GAPDHS: variants seen among roughly 807,000 people sequenced by gnomAD.
GAPDHS encodes the protein glyceraldehyde-3-phosphate dehydrogenase, spermatogenic, also known as glyceraldehyde-3-phosphate dehydrogenase, testis-specific.
A neutral mutation model predicts 48.7 loss-of-function variants in GAPDHS; 42 were observed. The observed-to-expected ratio is 0.86, with a 90% CI of 0.67 to 1.12. The LOEUF (loss-of-function observed/expected upper bound fraction) is 1.12. Ranked by LOEUF, GAPDHS falls within the 50% of genes most tolerant of loss-of-function variation. The pLI, the probability that GAPDHS is intolerant of heterozygous loss-of-function variation, is 0.00. For missense variants in GAPDHS, 512 were observed against 557.7 expected (o/e 0.92, Z 0.82); for synonymous variants, 166 against 219.1 (o/e 0.76, Z 2.14).
chr19:35,542,079 A>G (rs73046809), intron 4 of GAPDHS: 9,319 of 545,878 alleles, frequency 0.017, 106 homozygotes, highest in Non-Finnish European at 0.022. Context: ...CACCACCTGT[A>G]CCCAGGCATA....
chr19:35,535,946 G>A (rs2071463305), intron 1 of GAPDHS, among the ~76,000 whole-genome samples: 1 of 151,270 alleles, frequency 6.6e-6, no homozygotes, highest in Non-Finnish European at 1.5e-5. Context: ...CTCCATGTTG[G>A]CCAAGCTGGT....
chr19:35,543,683 G>A lies in GAPDHS; in HGVS notation c.912G>A (p.Ala304=), dbSNP rs375268177. 292 of 1,613,760 alleles carry A rather than the reference G, an allele frequency of 1.8e-4. No homozygotes were observed. Among genetic ancestry groups the A allele is most frequent in the Non-Finnish European group, 2.2e-4 (263 of 1,179,898 alleles). ...PELKGKLTGM[A]FRVPTPDVSV... ...TCTCCAGGAAGCTGACAGGGATGGC[G>A]TTCCGGGTACCAACCCCGGATGTGT... The change falls in exon 9 of 11, where the codon GCG becomes GCA. Residue 304 remains alanine (A), a synonymous_variant. Coordinates refer to ENST00000222286, the MANE Select transcript of GAPDHS (RefSeq NM_014364.5).
At position 35,537,094 on chromosome 19, in the gene GAPDHS, G is replaced by A. The variant is rs188817782; in HGVS notation, c.245+104G>A. Reference sequence around the variant, plus strand: ...CACATTTCCCCCCATCAATGCTTTCGTTCCGACGACCCTGGAGAAATAGCC... The same window carrying A: ...CACATTTCCCCCCATCAATGCTTTCATTCCGACGACCCTGGAGAAATAGCC... On this transcript the variant is annotated intron_variant, in intron 2 of 10. Coordinates refer to ENST00000222286, the MANE Select transcript of GAPDHS (RefSeq NM_014364.5). 1.5e-4 allele frequency: 144 copies of A among 977,992 alleles called. No individual in the cohort carries two copies. The African/African-American group carries it at 1.8e-3, about 12-fold the overall frequency. The allele number at this position is 977,992 out of a possible 1,614,324, so 60.6% of individuals were successfully genotyped here.
In GAPDHS at chr19:35,542,997, G is replaced by C. The variant is rs150710154; in HGVS notation, c.712G>C (p.Glu238Gln). The stretch of plus-strand genomic sequence containing the variant: ...GGCTCCCCTCGCCAAAGTCATCCAC[G>C]AGCGATTTGGGATCGTGGAAGGGTT... ...CLAPLAKVIH[E>Q]RFGIVEGLMT... Residue 238 changes from glutamate (E) to glutamine (Q), a missense_variant, in exon 7 of 11, where the codon GAG becomes CAG. Glu to Gln is a conservative substitution (Grantham distance 29). Coordinates refer to ENST00000222286, the MANE Select transcript of GAPDHS (RefSeq NM_014364.5). 6 of 1,613,860 alleles carry C rather than the reference G, an allele frequency of 3.7e-6. No homozygotes were observed. The East Asian group carries it at 1.3e-4, about 36-fold the overall frequency.
At chr19:35,540,171 A>G (rs2071492278) in intron 4 of GAPDHS, among the ~76,000 whole-genome samples, 1 of 152,242 alleles carries the variant, frequency 6.6e-6, no homozygotes, top group East Asian at 1.9e-4. Flanking sequence ...AATGGAGTGA[A>G]CATGTGTTTG....
intron 2 of GAPDHS, among the ~76,000 whole-genome samples, chr19:35,537,553 G>A (rs555401714): frequency 6.6e-6 from 1 of 151,044 alleles, no homozygotes; most frequent in Non-Finnish European, 1.5e-5. Context: ...ATGGACAGTC[G>A]TGGATGTTTT....
intron 4 of GAPDHS, chr19:35,541,915 C>T (rs747709538): frequency 6.5e-5 from 14 of 215,818 alleles, no homozygotes; most frequent in Non-Finnish European, 1.0e-4. Flanking sequence ...GGGTTCATGG[C>T]GAGGTTGTCA....
At chr19:35,544,034 T>G in intron 9 of GAPDHS, 1 of 891,596 alleles carries the variant, frequency 1.1e-6, no homozygotes, top group Non-Finnish European at 1.6e-6. Context: ...CCTTACTTCC[T>G]CCAAGTCTCT....
In GAPDHS at chr19:35,534,231, C is replaced by T. The variant is rs530085055; in HGVS notation, c.67+637C>T. The stretch of plus-strand genomic sequence containing the variant: ...CACACACTCACTCACTCACTCTAGC[C>T]GGAGGAACCAGGTCTTCCGGTGGGC... On this transcript the variant is annotated intron_variant, in intron 1 of 10. Transcript: ENST00000222286. Among the ~76,000 whole-genome samples the T allele has an allele frequency of 2.6e-4, 39 of 152,290 alleles. 1 individual carries two copies. The East Asian group carries it at 7.2e-3, about 28-fold the overall frequency.
intron 4 of GAPDHS, among the ~76,000 whole-genome samples, chr19:35,539,023 C>T (rs1163658033): frequency 3.3e-5 from 5 of 152,106 alleles, no homozygotes. Context: ...AAGTGGTCCT[C>T]CCACCTCGGC....
At chr19:35,534,162 C>T (rs951443176) in intron 1 of GAPDHS, among the ~76,000 whole-genome samples, 8 of 151,822 alleles carry the variant, frequency 5.3e-5, no homozygotes, top group Admixed American at 6.6e-5. Flanking sequence ...CTTCCTTAGT[C>T]TCTCAACAAG....
intron 6 of GAPDHS, 42 bp from the exon 7 acceptor site, chr19:35,542,903 C>T (rs567174243): frequency 8.8e-6 from 13 of 1,472,528 alleles, no homozygotes; most frequent in Admixed American, 1.7e-5. Context: ...GGTGGCTCTG[C>T]GACTCACCTC....
In GAPDHS at chr19:35,538,613, T is replaced by C; in HGVS notation, c.379T>C (p.Tyr127His). The change falls in exon 4 of 11, where the codon TAC becomes CAC. Residue 127 changes from tyrosine to histidine, a missense_variant. Physicochemically the swap from Tyr to His is moderately conservative, Grantham distance 83. Transcript: ENST00000222286. ...MFKYDSTHGR[Y>H]KGSVEFRNGQ... ...TAAGTATGACTCCACCCACGGCCGA[T>C]ACAAGGGAAGTGTGGAATTCAGGAA... The C allele has an allele frequency of 6.2e-7, 1 of 1,611,102 alleles. No individual in the cohort carries two copies. Among genetic ancestry groups the C allele is most frequent in the African/African-American group, 1.3e-5 (1 of 74,970 alleles).
At chr19:35,538,969 A>G (rs1219314529) in intron 4 of GAPDHS, among the ~76,000 whole-genome samples, 1 of 152,078 alleles carries the variant, frequency 6.6e-6, no homozygotes, top group Admixed American at 6.5e-5. Context: ...TCTGGAGTGC[A>G]GTGGTGTAAT....
chr19:35,543,842 G>A lies in GAPDHS; in HGVS notation c.1056+15G>A, dbSNP rs757520493. The A allele has an allele frequency of 6.3e-7, 1 of 1,592,714 alleles. No individual in the cohort carries two copies. The highest frequency in any genetic ancestry group is 8.5e-7 in the Non-Finnish European group (1 of 1,170,142). ...CCGAGGATGAGGTAGGGGCTGAGGA[G>A]AGGAGACCCTGGGAGGAGCCCTCTG... is the stretch of plus-strand genomic sequence containing the variant. On this transcript the variant is annotated intron_variant, in intron 9 of 10. Transcript: ENST00000222286.
rs201041968 is a variant in GAPDHS, at chr19:35,533,524, G to C, written c.-4G>C. ...CCAGGCCAATGATAACCTTATAAGA[G>C]GCCATGTCGAAGCGCGACATCGTCC... On this transcript the variant is annotated 5_prime_UTR_variant, in exon 1 of 11. Transcript: ENST00000222286. 21 of 1,613,288 alleles carry C rather than the reference G, an allele frequency of 1.3e-5. No individual in the cohort carries two copies. The South Asian group carries it at 2.2e-4, about 17-fold the overall frequency.
At chr19:35,543,278 A>G in intron 7 of GAPDHS, 62 bp from the exon 8 acceptor site, 3 of 1,584,452 alleles carry the variant, frequency 1.9e-6, no homozygotes, top group Admixed American at 3.7e-5. Context: ...TTAGTCCTGG[A>G]AAAAAGAGGC....
At position 35,539,919 on chromosome 19, in the gene GAPDHS, C is replaced by G. The variant is rs916550722; in HGVS notation, c.449+1236C>G. Among the ~76,000 whole-genome samples the G allele has an allele frequency of 4.6e-5, 7 of 152,342 alleles. No homozygotes were observed. In the East Asian group the frequency reaches 1.3e-3, roughly 29 times the overall value. ...CTAGCTGCCCCCTCCGTCCACGGTC[C>G]CGACTCAGGTCTTGCCTTCTCTGGT... On this transcript the variant is annotated intron_variant, in intron 4 of 10. Coordinates refer to ENST00000222286, the MANE Select transcript of GAPDHS (RefSeq NM_014364.5).
In GAPDHS at chr19:35,542,623, G is replaced by A. The variant is rs1403436987; in HGVS notation, c.659+15G>A. On this transcript the variant is annotated intron_variant, in intron 6 of 10. Coordinates refer to ENST00000222286, the MANE Select transcript of GAPDHS (RefSeq NM_014364.5). ...AACATTGTGAGGTAATGTGGGCAGTGACATCCTGCAATGTGTGGAAGGGAG... is the reference window on the plus strand; with the variant it reads ...AACATTGTGAGGTAATGTGGGCAGTAACATCCTGCAATGTGTGGAAGGGAG... 4 of 1,520,720 alleles carry A rather than the reference G, an allele frequency of 2.6e-6. No individual in the cohort carries two copies. The highest frequency in any genetic ancestry group is 2.7e-5 in the African/African-American group (2 of 73,144). The allele number at this position is 1,520,720 out of a possible 1,614,324, so 94.2% of individuals were successfully genotyped here.
Sources: allele counts gnomAD v4.1 joint callset (sites outside exome capture counted in the v4.1 genomes callset), GRCh38; gene constraint gnomAD v4.1.1; transcripts MANE v1.5; gene names NCBI Gene and HGNC (gene_info 2026-07-23, HGNC 2026-07-21).